Variants in HERC1 observed in about 807,000 individuals in gnomAD.
HERC1 encodes probable E3 ubiquitin-protein ligase HERC1.
Under a neutral mutation model 554.3 loss-of-function variants are expected in HERC1, and 160 were observed. The observed-to-expected ratio is 0.29, with a 90% CI of 0.25 to 0.33. The LOEUF is 0.33. HERC1 is among the 10% of genes least tolerant of loss of function. The pLI is 1.00. For missense variants in HERC1, 4,919 were observed against 5,918.5 expected, an observed-to-expected ratio of 0.83 and a Z score of 5.54; for synonymous variants, 2,175 against 2,131.7, an observed-to-expected ratio of 1.02 and a Z score of -0.56.
intron 25 of HERC1, among the ~76,000 whole-genome samples, chr15:63,701,739 CA>C (rs2072731983): frequency 2.0e-5 from 3 of 151,758 alleles, no homozygotes; most frequent in Admixed American, 1.3e-4. Flanking sequence ...TAATTTCCAT[CA>C]AAATATTTAG....
intron 1 of HERC1, among the ~76,000 whole-genome samples, chr15:63,783,356 G>C (rs1352269765): frequency 1.3e-5 from 2 of 152,070 alleles, no homozygotes; most frequent in East Asian, 1.9e-4. Context: ...CCCTCCATGA[G>C]CAAAAAGATT....
At chr15:63,729,453 CA>C (rs768769726) in intron 15 of HERC1, 43 bp downstream of exon 15, 3 of 1,598,388 alleles carry the variant, frequency 1.9e-6, no homozygotes, top group Non-Finnish European at 1.7e-6. Flanking sequence ...ATCTGAGTTT[CA>C]AGGTCCCTGA....
intron 68 of HERC1, 48 bp from the exon 69 acceptor site, chr15:63,630,683 A>G (rs2068510230): frequency 6.5e-7 from 1 of 1,541,596 alleles, no homozygotes; most frequent in African/African-American, 1.4e-5. Flanking sequence ...GCACCACACA[A>G]CACAGTGCTT....
rs7162182 is a variant in HERC1 at position 63,695,926 on chromosome 15, T to G, written c.5121+198A>C. 0.13 allele frequency among the ~76,000 whole-genome samples: 19,394 copies of G among 152,120 alleles called. 1,344 individuals are homozygous for G. Among genetic ancestry groups the G allele is most frequent in the Middle Eastern group, 0.17 (50 of 294 alleles). Reference sequence around the variant, plus strand: ...TTAATAAAACCGAGCCAGCAAATAATCTACAATAGTACAATAATACCACAG... The same window carrying G: ...TTAATAAAACCGAGCCAGCAAATAAGCTACAATAGTACAATAATACCACAG... On this transcript the variant is annotated intron_variant, in intron 27 of 77. Transcript: ENST00000443617.
At chr15:63,726,057 C>A (rs919871563) in intron 17 of HERC1, among the ~76,000 whole-genome samples, 1 of 152,136 alleles carries the variant, frequency 6.6e-6, no homozygotes, top group East Asian at 1.9e-4. Context: ...TCTTGGGTCA[C>A]TGAAACCTCT....
intron 1 of HERC1, among the ~76,000 whole-genome samples, chr15:63,777,550 T>C (rs1025860553): frequency 1.3e-5 from 2 of 152,252 alleles, no homozygotes; most frequent in Non-Finnish European, 2.9e-5. Flanking sequence ...TTGTTGGTCA[T>C]CTGGATATGC....
rs1274778673 is a variant in HERC1 at position 63,680,664 on chromosome 15, G to C, written c.6338C>G (p.Ala2113Gly). The change falls in exon 35 of 78, where the codon GCC (alanine) becomes GGC (glycine). Residue 2113 changes from alanine to glycine, a missense_variant. By Grantham distance (60) the Ala-to-Gly change is moderately conservative. Around this residue, in one of 11 missense-constraint regions of HERC1, gnomAD observed 85 missense variants for 163.2 expected, o/e 0.52. Coordinates refer to ENST00000443617, the MANE Select transcript of HERC1 (RefSeq NM_003922.4). This position sits in a 1 kb window ranked among gnomAD's most constrained non-coding sequence, Gnocchi z 5.8. ...RTTSDMWLYR[A>G]YSGNLYHNGE... ...ATTGTGATAGAGGTTACCACTGTAG[G>C]CCCTATAGAGCCACATATCCGAGGT... The C allele has an allele frequency of 1.9e-6, 3 of 1,613,618 alleles. No homozygotes were observed. Among genetic ancestry groups the C allele is most frequent in the African/African-American group, 2.7e-5 (2 of 74,854 alleles).
chr15:63,727,168 C>G lies in HERC1; in HGVS notation c.3346+479G>C, dbSNP rs1217399201. Among the ~76,000 whole-genome samples, 1 of 152,024 alleles carries G rather than the reference C, an allele frequency of 6.6e-6. No individual in the cohort carries two copies. The highest frequency in any genetic ancestry group is 1.5e-5 in the Non-Finnish European group (1 of 67,996). The stretch of plus-strand genomic sequence containing the variant: ...GTGCATGCCTGTAATCCCAGCTACT[C>G]AGGAGGTTGAGCCAGGAGAATCACT... On this transcript the variant is annotated intron_variant, in intron 17 of 77. Transcript: ENST00000443617. The surrounding 1 kb of genome is among the most constrained non-coding windows in gnomAD (Gnocchi z 4.3).
intron 2 of HERC1, among the ~76,000 whole-genome samples, chr15:63,772,751 T>C (rs2075991295): frequency 6.6e-6 from 1 of 152,066 alleles, no homozygotes; most frequent in African/African-American, 2.4e-5. Flanking sequence ...GCAACTCAAG[T>C]GAAGAACACA....
chr15:63,689,654 T>C lies in HERC1; in HGVS notation c.5983A>G (p.Thr1995Ala), dbSNP rs2228512. The C allele has an allele frequency of 6.9e-3, 10,945 of 1,589,756 alleles. 521 individuals carry two copies. The African/African-American group carries it at 0.11, about 16-fold the overall frequency. The change falls in exon 33 of 78, where the codon ACA becomes GCA. Residue 1995 changes from threonine (T) to alanine (A), a missense_variant. Coordinates refer to ENST00000443617, the MANE Select transcript of HERC1 (RefSeq NM_003922.4). ...GCATGTTTGGCCTGAGCAATGGGTGTCTCCCACATACAATCAGAGAGAAGG... is the reference window on the plus strand; with the variant it reads ...GCATGTTTGGCCTGAGCAATGGGTGCCTCCCACATACAATCAGAGAGAAGG... ...FSLLSDCMWE[T>A]PIAQAKHAIQ...
intron 1 of HERC1, among the ~76,000 whole-genome samples, chr15:63,799,539 A>G (rs576558653): frequency 6.6e-6 from 1 of 151,996 alleles, no homozygotes; most frequent in African/African-American, 2.4e-5. Flanking sequence ...AAAAATATTG[A>G]TCCTTTCTGC....
Position 63,634,775 on chromosome 15 carries a change from A to C in HERC1, c.12528T>G (p.Leu4176=). 1 of 1,613,336 alleles carries C rather than the reference A, an allele frequency of 6.2e-7. No individual in the cohort carries two copies. The highest frequency in any genetic ancestry group is 8.5e-7 in the Non-Finnish European group (1 of 1,179,600). ...CCTCCAGTGCAGTCACTCTCTCTGG[A>C]AGTTTTTTGTTAGAGGTATTTCCAA... ...LGLGNTSNKK[L]PERVTALEGY... is the part of the protein sequence containing the mutation. Residue 4176 remains leucine (L), a synonymous_variant, in exon 66 of 78, where the codon CTT becomes CTG. Transcript: ENST00000443617.
rs1163355274 is a variant in HERC1 at position 63,640,142 on chromosome 15, G to C, written c.11901+10C>G. ...CAGCTGCAAATAATAGCAGCTCACA[G>C]TACATTTACCATTAGAAATACAAGT... On this transcript the variant is annotated intron_variant, in intron 61 of 77. Coordinates refer to ENST00000443617, the MANE Select transcript of HERC1 (RefSeq NM_003922.4). The C allele has an allele frequency of 6.2e-7, 1 of 1,612,004 alleles. No homozygotes were observed. The highest frequency in any genetic ancestry group is 8.5e-7 in the Non-Finnish European group (1 of 1,178,558).
At chr15:63,794,871 T>C (rs547718868) in intron 1 of HERC1, among the ~76,000 whole-genome samples, 2 of 151,842 alleles carry the variant, frequency 1.3e-5, no homozygotes, top group Non-Finnish European at 2.9e-5. Flanking sequence ...TTCAAGTCCA[T>C]CCTAGCCAAA....
At chr15:63,672,336 T>C (rs989399842) in intron 39 of HERC1, among the ~76,000 whole-genome samples, 160 bp downstream of exon 39, 5 of 152,216 alleles carry the variant, frequency 3.3e-5, no homozygotes, top group Non-Finnish European at 5.9e-5. Context: ...CTGAGGGACA[T>C]TTCCAAATTC....
intron 1 of HERC1, among the ~76,000 whole-genome samples, chr15:63,782,950 T>C (rs901253193): frequency 1.3e-5 from 2 of 152,238 alleles, no homozygotes; most frequent in African/African-American, 4.8e-5. Flanking sequence ...TGTGACTGAA[T>C]GCAGCAATCT....
chr15:63,702,412 G>A (rs1007884463), intron 25 of HERC1, among the ~76,000 whole-genome samples: 6 of 152,136 alleles, frequency 3.9e-5, no homozygotes, highest in Non-Finnish European at 8.8e-5. Context: ...AAGATTAGGG[G>A]CGATAATCAA....
chr15:63,742,202 CTTT>C (rs1359934397), intron 12 of HERC1, among the ~76,000 whole-genome samples: 1 of 152,150 alleles, frequency 6.6e-6, no homozygotes, highest in Non-Finnish European at 1.5e-5. Flanking sequence ...TCTTACACTT[CTTT>C]TGTTAAATGT....
Position 63,694,917 on chromosome 15 carries a change from C to G in HERC1, c.5122-23G>C. Reference sequence around the variant, plus strand: ...ATCCTGAATTACACATAAAGAATTACTTTTTCTATTAGCAACAATAATACC... The same window carrying G: ...ATCCTGAATTACACATAAAGAATTAGTTTTTCTATTAGCAACAATAATACC... On this transcript the variant is annotated intron_variant, in intron 27 of 77. Coordinates refer to ENST00000443617, the MANE Select transcript of HERC1 (RefSeq NM_003922.4). The surrounding 1 kb of genome is among the most constrained non-coding windows in gnomAD (Gnocchi z 4.3). The G allele has an allele frequency of 6.3e-7, 1 of 1,598,544 alleles. No individual in the cohort carries two copies.
Sources: gnomAD v4.1 joint callset for allele counts (sites outside exome capture counted in the v4.1 genomes callset) on GRCh38, gnomAD v4.1.1 for gene constraint, gnomAD v4.1.1 regional missense constraint, Gnocchi (gnomAD v3.1) non-coding constraint, MANE v1.5 for transcripts, NCBI Gene and HGNC (gene_info 2026-07-23, HGNC 2026-07-21) for gene names.